The following HEATR6 variants were observed in gnomAD, a reference collection of about 807,000 sequenced individuals.
HEATR6 encodes HEAT repeat-containing protein 6.
Under a neutral mutation model 132.8 loss-of-function variants are expected in HEATR6, and 106 were observed. The observed-to-expected ratio is 0.80, with a 90% CI of 0.68 to 0.94. The LOEUF (loss-of-function observed/expected upper bound fraction) is 0.94, where lower values mean the gene tolerates loss of function less well. HEATR6 is among the 40% of genes least tolerant of loss of function. The pLI is 0.00. For synonymous variants in HEATR6, 529 were observed against 537.8 expected (o/e 0.98, Z 0.23); for missense variants, 1,339 against 1,425.1 (o/e 0.94, Z 0.97).
intron 10 of HEATR6, 63 bp downstream of exon 10, chr17:60,059,827 G>A (rs1329704509): frequency 8.2e-7 from 1 of 1,216,010 alleles, no homozygotes; most frequent in Admixed American, 1.8e-5. Context: ...TTTGAGCTAT[G>A]TAAAACAGTA....
intron 19 of HEATR6, 47 bp downstream of exon 19, chr17:60,045,978 G>A: frequency 7.7e-7 from 1 of 1,303,862 alleles, no homozygotes; most frequent in Non-Finnish European, 1.1e-6. Flanking sequence ...AGATTGGTGT[G>A]TGTCCCAAGA....
chr17:60,054,258 G>A (rs1241010225), intron 14 of HEATR6, among the ~76,000 whole-genome samples: 1 of 152,260 alleles, frequency 6.6e-6, no homozygotes, highest in Non-Finnish European at 1.5e-5. Flanking sequence ...GCCTGCAGAT[G>A]CACAGAATTC....
intron 17 of HEATR6, among the ~76,000 whole-genome samples, chr17:60,047,964 A>C (rs1027561908): frequency 5.9e-5 from 9 of 152,180 alleles, no homozygotes; most frequent in Admixed American, 2.0e-4. Flanking sequence ...TTTTAAATGC[A>C]TTTTAAAAGT....
chr17:60,050,069 T>C (rs1906527697), intron 15 of HEATR6, among the ~76,000 whole-genome samples: 1 of 152,086 alleles, frequency 6.6e-6, no homozygotes, highest in Non-Finnish European at 1.5e-5. Flanking sequence ...CCCCCAAAAT[T>C]CCTATGTTGA....
intron 14 of HEATR6, among the ~76,000 whole-genome samples, chr17:60,053,434 T>TG (rs1371138126): frequency 6.6e-6 from 1 of 152,120 alleles, no homozygotes; most frequent in Non-Finnish European, 1.5e-5. Context: ...TACCAAGGAA[T>TG]GGGGTGTTGT....
At position 60,057,153 on chromosome 17, in the gene HEATR6, A is replaced by G; in HGVS notation, c.1974T>C (p.Ile658=). The change falls in exon 12 of 20, where the codon ATT becomes ATC. Residue 658 remains isoleucine, a synonymous_variant. Transcript: ENST00000184956. ...SEPCWLIRLC[I]SIVVLPKEDS... is the part of the protein sequence containing the mutation. ...CCTCCTTGGGCAGTACGACAATGGA[A>G]ATGCAGAGTCGAATGAGCCAGCAGG... 1 of 1,614,190 alleles carries G rather than the reference A, an allele frequency of 6.2e-7. No homozygotes were observed. The highest frequency in any genetic ancestry group is 8.5e-7 in the Non-Finnish European group (1 of 1,180,010).
At position 60,046,075 on chromosome 17, in the gene HEATR6, T is replaced by C. The variant is rs1598903855; in HGVS notation, c.2924A>G (p.Asn975Ser). The C allele has an allele frequency of 6.2e-7, 1 of 1,614,144 alleles. No homozygotes were observed. Among genetic ancestry groups the C allele is most frequent in the Non-Finnish European group, 8.5e-7 (1 of 1,180,004 alleles). Residue 975 changes from asparagine to serine, a missense_variant, in exon 19 of 20, where the codon AAT becomes AGT. Physicochemically the swap from Asn to Ser is conservative, Grantham distance 46. Transcript: ENST00000184956. ...LTEAAMKVRW[N>S]ACYAMGNVFK... ...TACATTTCCCATTGCATAACAAGCA[T>C]TCCATCGGACTTTCATGGCAGCTTC...
chr17:60,052,529 G>C (rs1292540773), intron 14 of HEATR6, among the ~76,000 whole-genome samples: 1 of 152,036 alleles, frequency 6.6e-6, no homozygotes, highest in Non-Finnish European at 1.5e-5. Flanking sequence ...ACCTAGTTCT[G>C]TCTGATAACA....
In HEATR6 at chr17:60,049,122, A is replaced by AGTGTGTGTGTGTGTGTGTGTGTGT. The variant is rs531092208; in HGVS notation, c.2547+434_2547+457dup. ...TATGTAGAGAGAGAGAGAGACAGAG[A>AGTGTGTGTGTGTGTGTGTGTGTGT]GTGTGTGTGTGTGTGTGTGTGTGTG... On this transcript the variant is annotated intron_variant, in intron 16 of 19. Transcript: ENST00000184956. Among the ~76,000 whole-genome samples, 231 of 134,840 alleles carry AGTGTGTGTGTGTGTGTGTGTGTGT rather than the reference A, an allele frequency of 1.7e-3. 1 individual carries two copies. Among genetic ancestry groups the AGTGTGTGTGTGTGTGTGTGTGTGT allele is most frequent in the African/African-American group, 6.1e-3 (220 of 36,164 alleles). 88.5% of individuals were successfully genotyped at this position (134,840 alleles called of 152,430 possible).
intron 4 of HEATR6, among the ~76,000 whole-genome samples, chr17:60,072,579 T>C (rs1340182801): frequency 1.3e-5 from 2 of 152,150 alleles, no homozygotes; most frequent in African/African-American, 4.8e-5. Flanking sequence ...AGAAGAACTA[T>C]GGAGAAAGAA....
At chr17:60,046,330 T>A in intron 18 of HEATR6, 101 bp from the exon 19 acceptor site, 1 of 831,140 alleles carries the variant, frequency 1.2e-6, no homozygotes, top group Non-Finnish European at 1.9e-6. Context: ...TTCAACTTCT[T>A]AAAGCAAGTC....
chr17:60,064,533 C>T (rs367647017), intron 9 of HEATR6: 2 of 152,242 alleles, frequency 1.3e-5, no homozygotes, highest in South Asian at 2.1e-4. Context: ...CTTGCCATTA[C>T]ACTGAACTAA....
intron 9 of HEATR6, among the ~76,000 whole-genome samples, 198 bp from the exon 10 acceptor site, chr17:60,060,294 T>G (rs1470852879): frequency 6.6e-6 from 1 of 152,186 alleles, no homozygotes; most frequent in Non-Finnish European, 1.5e-5. Context: ...TTATTTTTAT[T>G]TTAGAGACAC....
intron 9 of HEATR6, chr17:60,063,655 A>G: frequency 6.0e-6 from 1 of 168,016 alleles, no homozygotes; most frequent in African/African-American, 2.4e-5. Context: ...TTCTGACTGG[A>G]AGAGTCTAAT....
intron 9 of HEATR6, among the ~76,000 whole-genome samples, chr17:60,062,279 T>C (rs923649176): frequency 6.6e-6 from 1 of 152,232 alleles, no homozygotes; most frequent in Non-Finnish European, 1.5e-5. Flanking sequence ...TGCAAGTAAA[T>C]CATAACAGGT....
Position 60,076,197 on chromosome 17 carries a change from G to A in HEATR6, c.260C>T (p.Pro87Leu), listed in dbSNP as rs374556636. The change falls in exon 2 of 20, where the codon CCT (proline) becomes CTT (leucine). Residue 87 changes from proline (P) to leucine (L), a missense_variant. Transcript: ENST00000184956. ...GCTGACAAGATGATTCTGATTAAGA[G>A]GTACCAGTCGGCAAGCCTGGACAAG... Reference protein sequence around the residue: ...ALLVQACRLVPLNQNHLVSKV... With the variant: ...ALLVQACRLVLLNQNHLVSKV... 11 of 1,611,490 alleles carry A rather than the reference G, an allele frequency of 6.8e-6. No homozygotes were observed. The highest frequency in any genetic ancestry group is 9.3e-6 in the Non-Finnish European group (11 of 1,179,514).
In HEATR6 at chr17:60,069,822, T is replaced by G. The variant is rs1373104781; in HGVS notation, c.828A>C (p.Gly276=). Reference sequence around the variant, plus strand: ...ACACCGTGGGCATCTCTATGTTTAGTCCAGGGAGTCCGTGAAACATGAATT... The same window carrying G: ...ACACCGTGGGCATCTCTATGTTTAGGCCAGGGAGTCCGTGAAACATGAATT... ...LKKFMFHGLP[G]LNIEMPTVLY... is the part of the protein sequence containing the mutation. The change falls in exon 7 of 20, where the codon GGA becomes GGC. Residue 276 remains glycine (G), a synonymous_variant. Coordinates refer to ENST00000184956, the MANE Select transcript of HEATR6 (RefSeq NM_022070.5). 13 of 1,613,830 alleles carry G rather than the reference T, an allele frequency of 8.1e-6. No homozygotes were observed. Among genetic ancestry groups the G allele is most frequent in the African/African-American group, 2.7e-5 (2 of 74,836 alleles).
At position 60,072,243 on chromosome 17, in the gene HEATR6, G is replaced by C. The variant is rs755951551; in HGVS notation, c.671C>G (p.Ser224Cys). The change falls in exon 5 of 20, where the codon TCT becomes TGT. Residue 224 changes from serine to cysteine, a missense_variant. Transcript: ENST00000184956. ...GCAAAATGTGATATCATCCATATCA[G>C]ATGATTTTGGAGACTGTAAAATAGT... ...FLTILQSPKS[S>C]DMDDITFCML... is the part of the protein sequence containing the mutation. The C allele has an allele frequency of 5.0e-6, 8 of 1,601,748 alleles. No homozygotes were observed. The East Asian group carries it at 1.8e-4, about 36-fold the overall frequency.
Position 60,046,984 on chromosome 17 carries a change from T to C in HEATR6, c.2769+325A>G, listed in dbSNP as rs894829663. 2.6e-5 allele frequency among the ~76,000 whole-genome samples: 4 copies of C among 152,150 alleles called. No individual in the cohort carries two copies. In the East Asian group the frequency reaches 7.7e-4, roughly 29 times the overall value. On this transcript the variant is annotated intron_variant, in intron 18 of 19. Coordinates refer to ENST00000184956, the MANE Select transcript of HEATR6 (RefSeq NM_022070.5). Reference sequence around the variant, plus strand: ...AAACTTATTAGTTTAACAGGTAATATTCAAAGCCAAGAGCTACTCATCTTT... The same window carrying C: ...AAACTTATTAGTTTAACAGGTAATACTCAAAGCCAAGAGCTACTCATCTTT...
Sources: gnomAD v4.1 joint callset for allele counts (sites outside exome capture counted in the v4.1 genomes callset) on GRCh38, gnomAD v4.1.1 for gene constraint, MANE v1.5 for transcripts, NCBI Gene and HGNC (gene_info 2026-07-23, HGNC 2026-07-21) for gene names.